DNAH5: variants seen among roughly 807,000 people sequenced by gnomAD.
DNAH5 encodes dynein axonemal heavy chain 5, also known as axonemal beta dynein heavy chain 5.
Under a neutral mutation model 518.2 loss-of-function variants are expected in DNAH5, and 372 were observed. The observed-to-expected ratio is 0.72, with a 90% confidence interval of 0.66 to 0.78. The LOEUF is 0.78. DNAH5 is among the 30% of genes least tolerant of loss of function. The pLI is 0.00. For synonymous variants in DNAH5, 2,039 were observed against 2,025.9 expected (o/e 1.01, Z -0.17); for missense variants, 5,523 against 5,687.0 (o/e 0.97, Z 0.93).
At chr5:13,695,243 T>C (rs1031131091) in intron 78 of DNAH5, among the ~76,000 whole-genome samples, 2 of 152,278 alleles carry the variant, frequency 1.3e-5, no homozygotes, top group Middle Eastern at 6.8e-3. Context: ...AACCCGAGTA[T>C]CCTGGCCCTC....
At chr5:13,778,382 T>C (rs930301850) in intron 53 of DNAH5, among the ~76,000 whole-genome samples, 5 of 148,622 alleles carry the variant, frequency 3.4e-5, no homozygotes, top group Non-Finnish European at 5.9e-5. Flanking sequence ...AGAAAACAAA[T>C]ACTTCTAGAA....
chr5:13,919,253 G>T lies in DNAH5; in HGVS notation c.898C>A (p.Leu300Ile), dbSNP rs1269995144. 1 of 1,613,992 alleles carries T rather than the reference G, an allele frequency of 6.2e-7. No individual in the cohort carries two copies. Among genetic ancestry groups the T allele is most frequent in the East Asian group, 2.2e-5 (1 of 44,892 alleles). ...TCCGGGCTTTTCAATTGTTCCAAAA[G>T]GTAGTTAAACTTGGAGAGTCTTTTT... is the stretch of plus-strand genomic sequence containing the variant. ...WKKRLSKFNYLLEQLKSPDVK... is the reference protein window; with the variant it reads ...WKKRLSKFNYILEQLKSPDVK... The change falls in exon 7 of 79, where the codon CTT becomes ATT. Residue 300 changes from leucine to isoleucine, a missense_variant. By Grantham distance (5) the Leu-to-Ile change is conservative (BLOSUM62 2). Coordinates refer to ENST00000265104, the MANE Select transcript of DNAH5 (RefSeq NM_001369.3).
intron 58 of DNAH5, among the ~76,000 whole-genome samples, chr5:13,768,402 G>A (rs1752812068): frequency 6.6e-6 from 1 of 152,184 alleles, no homozygotes; most frequent in Non-Finnish European, 1.5e-5. Flanking sequence ...GGAACTCTGA[G>A]TCAATTAAAC....
Position 13,865,718 on chromosome 5 carries a change from T to C in DNAH5, c.4305A>G (p.Ser1435=). 6.2e-7 allele frequency: 1 copy of C among 1,606,268 alleles called. No homozygotes were observed. Among genetic ancestry groups the C allele is most frequent in the Non-Finnish European group, 8.5e-7 (1 of 1,172,906 alleles). ...TVNSYYDILW[S]EVNIEKINNE... ...TGTTAATTTTTTCAATATTCACCTC[T>C]GACCAAAGAATATCATAATAGCTAT... Residue 1435 remains serine (S), a synonymous_variant, in exon 27 of 79, where the codon TCA becomes TCG. Coordinates refer to ENST00000265104, the MANE Select transcript of DNAH5 (RefSeq NM_001369.3).
chr5:13,713,728 T>C (rs1689237779), intron 75 of DNAH5, among the ~76,000 whole-genome samples: 1 of 151,444 alleles, frequency 6.6e-6, no homozygotes, highest in African/African-American at 2.4e-5. Context: ...AGATTACAAA[T>C]ATGGTGCATC....
At chr5:13,742,079 A>G (rs1462630158) in intron 65 of DNAH5, among the ~76,000 whole-genome samples, 1 of 152,148 alleles carries the variant, frequency 6.6e-6, no homozygotes, top group Non-Finnish European at 1.5e-5. Flanking sequence ...AGTTTGAAAA[A>G]TCAAGTTGAA....
intron 76 of DNAH5, among the ~76,000 whole-genome samples, chr5:13,705,340 G>C (rs1377209885): frequency 6.6e-6 from 1 of 152,116 alleles, no homozygotes; most frequent in South Asian, 2.1e-4. Context: ...TTTTAGGCCT[G>C]AACCACAAGA....
chr5:13,905,790 T>C (rs897068464), intron 12 of DNAH5, among the ~76,000 whole-genome samples: 2 of 152,164 alleles, frequency 1.3e-5, no homozygotes, highest in African/African-American at 4.8e-5. Flanking sequence ...TCAAAGAAGT[T>C]AAAAACTTAT....
At chr5:13,933,362 A>C (rs1250315839) in intron 1 of DNAH5, among the ~76,000 whole-genome samples, 1 of 152,238 alleles carries the variant, frequency 6.6e-6, no homozygotes, top group Non-Finnish European at 1.5e-5. Context: ...TGAATGAATA[A>C]ATCAAAGTTT....
At chr5:13,999,759 G>C (rs1318244620) in intron 1 of DNAH5, among the ~76,000 whole-genome samples, 1 of 152,174 alleles carries the variant, frequency 6.6e-6, no homozygotes, top group Non-Finnish European at 1.5e-5. Context: ...AATTTTTTAA[G>C]AACCTCCATA....
rs564090981 is a variant in DNAH5, at chr5:13,736,577, T to C, written c.11456-645A>G. 9.0e-4 allele frequency among the ~76,000 whole-genome samples: 137 copies of C among 152,072 alleles called. 1 individual carries two copies. The South Asian group carries it at 0.014, about 15-fold the overall frequency. On this transcript the variant is annotated intron_variant, in intron 66 of 78. Coordinates refer to ENST00000265104, the MANE Select transcript of DNAH5 (RefSeq NM_001369.3). Reference sequence around the variant, plus strand: ...GCCTGGCTAATTTTTTTTTCTCTTATATTTTTAGTAGAAACAGAGTTTCAC... The same window carrying C: ...GCCTGGCTAATTTTTTTTTCTCTTACATTTTTAGTAGAAACAGAGTTTCAC...
In DNAH5 at chr5:13,820,912, G is replaced by C. The variant is rs897979891; in HGVS notation, c.6688-413C>G. 2.0e-5 allele frequency among the ~76,000 whole-genome samples: 3 copies of C among 151,884 alleles called. No individual in the cohort carries two copies. In the East Asian group the frequency reaches 5.8e-4, roughly 29 times the overall value. ...ATACACAGACATAGGGAGGAAGGAGGAGGATTTACTGTTTAATGAGTACAG... is the reference window on the plus strand; with the variant it reads ...ATACACAGACATAGGGAGGAAGGAGCAGGATTTACTGTTTAATGAGTACAG... On this transcript the variant is annotated intron_variant, in intron 40 of 78. Transcript: ENST00000265104.
intron 31 of DNAH5, among the ~76,000 whole-genome samples, chr5:13,850,048 C>G (rs1827412): frequency 1.3e-5 from 2 of 152,080 alleles, no homozygotes; most frequent in Admixed American, 6.6e-5. Context: ...GCCAAGGAGA[C>G]ATCATTATTT....
intron 1 of DNAH5, among the ~76,000 whole-genome samples, chr5:13,958,624 C>T (rs910296089): frequency 1.3e-5 from 2 of 152,036 alleles, no homozygotes; most frequent in East Asian, 1.9e-4. Flanking sequence ...ATTTTATTTT[C>T]GTAAAAAGTA....
intron 1 of DNAH5, among the ~76,000 whole-genome samples, chr5:13,997,302 G>A (rs1784037963): frequency 6.6e-6 from 1 of 151,878 alleles, no homozygotes; most frequent in African/African-American, 2.4e-5. Flanking sequence ...TCAACATTTG[G>A]CTTAGAGGTT....
rs1174257857 is a variant in DNAH5, at chr5:13,911,244, C to T, written c.1644+142G>A. ...GCCTTCAATTATTAATCTGAAATCA[C>T]GAAACACAGGCTGAGGTTGCTATCG... On this transcript the variant is annotated intron_variant, in intron 12 of 78. Transcript: ENST00000265104. The T allele has an allele frequency of 2.6e-5, 18 of 696,856 alleles. 1 individual carries two copies. Among genetic ancestry groups the T allele is most frequent in the South Asian group, 2.2e-4 (14 of 62,516 alleles). The allele number at this position is 696,856 out of a possible 1,614,324, so 43.2% of individuals were successfully genotyped here. A position where few individuals can be genotyped will look rare whatever the true frequency, so the allele number is the denominator to read the frequency against.
chr5:13,976,294 A>G (rs111994201), intron 1 of DNAH5, among the ~76,000 whole-genome samples: 2,365 of 152,318 alleles, frequency 0.016, 70 homozygotes, highest in African/African-American at 0.054. Context: ...CAGTTGTCCA[A>G]AAATATTAAA....
intron 76 of DNAH5, 80 bp from the exon 77 acceptor site, chr5:13,701,516 A>T: frequency 7.8e-7 from 1 of 1,286,828 alleles, no homozygotes; most frequent in Non-Finnish European, 1.1e-6. Flanking sequence ...CTGAAAAAAA[A>T]AAAAGATGAA....
chr5:13,888,543 C>T (rs1460984137), intron 17 of DNAH5, among the ~76,000 whole-genome samples: 1 of 152,154 alleles, frequency 6.6e-6, no homozygotes, highest in African/African-American at 2.4e-5. Flanking sequence ...ATTATGAATT[C>T]AAATAAACAA....
Sources: allele counts gnomAD v4.1 joint callset (sites outside exome capture counted in the v4.1 genomes callset), GRCh38; gene constraint gnomAD v4.1.1; transcripts MANE v1.5; gene names NCBI Gene and HGNC (gene_info 2026-07-23, HGNC 2026-07-21).